The following DCUN1D1 variants were observed in gnomAD, a reference collection of about 807,000 sequenced individuals.
DCUN1D1 encodes DCN1-like protein 1.
A neutral mutation model predicts 39.0 loss-of-function variants in DCUN1D1; 3 were observed. The ratio of observed to expected loss-of-function variants is 0.08; its 90% confidence interval spans 0.04 to 0.20. The LOEUF is 0.20. Ranked by LOEUF, DCUN1D1 falls within the 10% of genes least tolerant of loss-of-function variation. The pLI is 1.00. For missense variants in DCUN1D1, 158 were observed against 302.4 expected (o/e 0.52, Z 3.54); for synonymous variants, 82 against 96.3 (o/e 0.85, Z 0.87).
At chr3:182,981,117 C>A (rs1054328086), upstream of DCUN1D1, among the ~76,000 whole-genome samples, 2 of 151,540 alleles carry the variant, frequency 1.3e-5, no homozygotes, top group East Asian at 1.9e-4. Flanking sequence ...AGACCTTAGT[C>A]CCCCCCCTGC....
intron 4 of DCUN1D1, among the ~76,000 whole-genome samples, chr3:182,959,044 T>TACATGTAA (rs1727240388): frequency 6.6e-6 from 1 of 152,182 alleles, no homozygotes. Context: ...ATTTTACACA[T>TACATGTAA]ACATGTAAAT....
chr3:182,957,500 G>A (rs866592671), intron 4 of DCUN1D1, among the ~76,000 whole-genome samples: 3 of 151,808 alleles, frequency 2.0e-5, no homozygotes, highest in South Asian at 2.1e-4. Context: ...GGTGGCACAC[G>A]CCTGTAGTCT....
intron 4 of DCUN1D1, among the ~76,000 whole-genome samples, chr3:182,953,315 T>G (rs1192004839): frequency 6.6e-6 from 1 of 152,140 alleles, no homozygotes; most frequent in Non-Finnish European, 1.5e-5. Flanking sequence ...CTGAAATACA[T>G]AAGATTAAAC....
chr3:182,950,862 C>G (rs1313818578), intron 4 of DCUN1D1: 1 of 151,560 alleles, frequency 6.6e-6, no homozygotes, highest in African/African-American at 2.4e-5. Flanking sequence ...AAAAAATTGG[C>G]CGGCACGATG....
Position 182,964,584 on chromosome 3 carries a change from GAGAA to G in DCUN1D1, c.221-539_221-536del, listed in dbSNP as rs1023515719. Among the ~76,000 whole-genome samples, 4 of 148,342 alleles carry G rather than the reference GAGAA, an allele frequency of 2.7e-5. No homozygotes were observed. The South Asian group carries it at 6.5e-4, about 24-fold the overall frequency. ...AAAAATTTTAAATAACAAAAACAAAGAGAAAGAGGCACTCATAGACTGCTATCAA... is the reference window on the plus strand; with the variant it reads ...AAAAATTTTAAATAACAAAAACAAAGAGAGGCACTCATAGACTGCTATCAA... On this transcript the variant is annotated intron_variant, in intron 2 of 6. Coordinates refer to ENST00000292782, the MANE Select transcript of DCUN1D1 (RefSeq NM_020640.4).
At chr3:182,946,207 T>C (rs1726389801) in intron 6 of DCUN1D1, among the ~76,000 whole-genome samples, 1 of 152,202 alleles carries the variant, frequency 6.6e-6, no homozygotes, top group African/African-American at 2.4e-5. Context: ...CAGAAAAGTA[T>C]TCAGTGATTA....
intron 3 of DCUN1D1, among the ~76,000 whole-genome samples, chr3:182,962,992 C>A (rs1401971274): frequency 6.6e-6 from 1 of 152,112 alleles, no homozygotes; most frequent in Non-Finnish European, 1.5e-5. Flanking sequence ...GTTGGTCAAG[C>A]TGGTCTCAAA....
At chr3:182,985,262 C>A (rs543180881), upstream of DCUN1D1, among the ~76,000 whole-genome samples, 1 of 152,296 alleles carries the variant, frequency 6.6e-6, no homozygotes, top group East Asian at 1.9e-4. Context: ...GCAGAAGAAC[C>A]TTTTGGCTCA....
chr3:182,946,418 G>A (rs964522121), intron 6 of DCUN1D1, among the ~76,000 whole-genome samples: 1 of 151,984 alleles, frequency 6.6e-6, no homozygotes, highest in African/African-American at 2.4e-5. Flanking sequence ...TTAGGTGAAC[G>A]TGGTGGCAGG....
intron 4 of DCUN1D1, among the ~76,000 whole-genome samples, chr3:182,957,248 T>C (rs1484566480): frequency 1.3e-5 from 2 of 152,228 alleles, no homozygotes; most frequent in Admixed American, 1.3e-4. Flanking sequence ...TGAATGAGCA[T>C]CAGGTAAGGA....
chr3:182,976,444 T>TACACAC lies in DCUN1D1; in HGVS notation c.3+4037_3+4042dup, dbSNP rs59465164. 6.6e-3 allele frequency among the ~76,000 whole-genome samples: 932 copies of TACACAC among 140,748 alleles called. 5 individuals carry two copies. Among genetic ancestry groups the TACACAC allele is most frequent in the Admixed American group, 0.013 (181 of 14,122 alleles). The allele number at this position is 140,748 out of a possible 152,430, so 92.3% of individuals were successfully genotyped here. ...ATATACACATGTACATATACATACA[T>TACACAC]ACACACACACACACACACACACACA... On this transcript the variant is annotated intron_variant, in intron 1 of 6. Transcript: ENST00000292782.
intron 4 of DCUN1D1, chr3:182,955,307 ACTT>A (rs1726982035): frequency 1.1e-5 from 6 of 544,418 alleles, no homozygotes; most frequent in South Asian, 8.4e-5. Context: ...CACTTTCTTC[ACTT>A]CTTCTGCAGC....
chr3:182,969,915 A>G (rs955001267), intron 1 of DCUN1D1, among the ~76,000 whole-genome samples: 10 of 152,220 alleles, frequency 6.6e-5, no homozygotes, highest in Non-Finnish European at 1.5e-4. Context: ...TTTTATTCTT[A>G]AATCTAGCAT....
chr3:182,953,581 G>C (rs1159067831), intron 4 of DCUN1D1, among the ~76,000 whole-genome samples: 1 of 152,096 alleles, frequency 6.6e-6, no homozygotes, highest in African/African-American at 2.4e-5. Context: ...AGGACTAAAT[G>C]AGTTAATACA....
intron 1 of DCUN1D1, among the ~76,000 whole-genome samples, chr3:182,968,461 A>G (rs1196708794): frequency 6.6e-6 from 1 of 152,224 alleles, no homozygotes; most frequent in East Asian, 1.9e-4. Flanking sequence ...AAAAAGTAAG[A>G]TAATAGAAGA....
At chr3:182,964,108 T>C in intron 2 of DCUN1D1, 59 bp from the exon 3 acceptor site, 1 of 1,449,060 alleles carries the variant, frequency 6.9e-7, no homozygotes, top group Non-Finnish European at 9.5e-7. Context: ...TTATGAAAAC[T>C]GAAAAAGGTA....
At chr3:182,982,809 T>C (rs1413909070), upstream of DCUN1D1, among the ~76,000 whole-genome samples, 1 of 152,080 alleles carries the variant, frequency 6.6e-6, no homozygotes, top group Non-Finnish European at 1.5e-5. Flanking sequence ...CATGCCCAGC[T>C]ACTTTTTGCA....
At chr3:182,946,607 A>G (rs1413689723) in intron 6 of DCUN1D1, among the ~76,000 whole-genome samples, 1 of 151,848 alleles carries the variant, frequency 6.6e-6, no homozygotes, top group African/African-American at 2.4e-5. Context: ...TTTACAACCA[A>G]GCTTATACAA....
intron 1 of DCUN1D1, among the ~76,000 whole-genome samples, chr3:182,979,035 T>C (rs1277794291): frequency 6.6e-6 from 1 of 152,210 alleles, no homozygotes; most frequent in Non-Finnish European, 1.5e-5. Flanking sequence ...ACTATACTTA[T>C]CTAAATGCTA....
Sources: gnomAD v4.1 joint callset for allele counts (sites outside exome capture counted in the v4.1 genomes callset) on GRCh38, gnomAD v4.1.1 for gene constraint, MANE v1.5 for transcripts, NCBI Gene and HGNC (gene_info 2026-07-23, HGNC 2026-07-21) for gene names.